FGF13: variants seen among roughly 807,000 people sequenced by gnomAD.
FGF13 encodes the protein fibroblast growth factor 13, also known as fibroblast growth factor homologous factor 2.
Under a neutral mutation model 19.5 loss-of-function variants are expected in FGF13, and 2 were observed. That is an observed-to-expected ratio of 0.10 (90% CI 0.04 to 0.32). The LOEUF is 0.32. Among genes scored for constraint, FGF13 ranks in the 10% least tolerant of loss-of-function variants. The pLI is 1.00. For synonymous variants in FGF13, 72 were observed against 76.9 expected, an observed-to-expected ratio of 0.94 and a Z score of 0.33; for missense variants, 113 against 192.7, an observed-to-expected ratio of 0.59 and a Z score of 2.45.
intron 3 of FGF13, among the ~76,000 whole-genome samples, chrX:138,681,034 C>T (rs1042213206): frequency 4.6e-5 from 5 of 109,037 alleles, no homozygotes; most frequent in East Asian, 2.9e-4. Context: ...ATTAGCCTGG[C>T]GTGGTGGCAG....
intron 3 of FGF13, among the ~76,000 whole-genome samples, chrX:138,701,696 A>G (rs2089947813): frequency 8.9e-6 from 1 of 112,088 alleles, no homozygotes; most frequent in Non-Finnish European, 1.9e-5. Flanking sequence ...GCCTTACTCT[A>G]TTCCCACCTC....
At chrX:138,877,252 GA>G (rs1163441718) in intron 1 of FGF13, among the ~76,000 whole-genome samples, 22 of 105,592 alleles carry the variant, frequency 2.1e-4, no homozygotes, top group African/African-American at 5.5e-4. Context: ...AAGAAATGAA[GA>G]AAAAAAAAGG....
At chrX:139,027,795 C>CA (rs1183212654) in intron 1 of FGF13, among the ~76,000 whole-genome samples, 83 of 106,988 alleles carry the variant, frequency 7.8e-4, no homozygotes, top group Middle Eastern at 4.7e-3. Flanking sequence ...TCAGGCAGAC[C>CA]AAAAAAAAAT....
chrX:139,196,403 A>G (rs1011760558), intron 1 of FGF13, among the ~76,000 whole-genome samples: 1 of 111,711 alleles, frequency 9.0e-6, no homozygotes, highest in African/African-American at 3.3e-5. Flanking sequence ...GCACATCGGA[A>G]AGTTTAAAGT....
intron 1 of FGF13, among the ~76,000 whole-genome samples, chrX:138,982,495 C>A (rs1399758445): frequency 1.8e-5 from 2 of 111,877 alleles, no homozygotes; most frequent in African/African-American, 3.3e-5. Flanking sequence ...GAATGAGGAA[C>A]AGATTATTAC....
intron 1 of FGF13, among the ~76,000 whole-genome samples, chrX:138,873,173 G>A (rs897356785): frequency 1.1e-4 from 12 of 111,306 alleles, no homozygotes; most frequent in African/African-American, 3.3e-4. Context: ...GGCCAATTTG[G>A]CTCTGGCTTC....
chrX:138,950,570 G>A (rs768673429), intron 1 of FGF13, among the ~76,000 whole-genome samples: 1 of 111,693 alleles, frequency 9.0e-6, no homozygotes, highest in East Asian at 2.8e-4. Context: ...ACTGTACACT[G>A]ACTTAAAAAC....
In FGF13 at chrX:139,144,224, T is replaced by G. The variant is rs560247430; in HGVS notation, c.-113+59192A>C. ...GAGCAGGGAAGCCTGAACCCCCTCCTGGCCTGTGTGAAAAGAACTCTGACC... is the reference window on the plus strand; with the variant it reads ...GAGCAGGGAAGCCTGAACCCCCTCCGGGCCTGTGTGAAAAGAACTCTGACC... On this transcript the variant is annotated intron_variant, in intron 1 of 2. Transcript: ENST00000421460. Among the ~76,000 whole-genome samples, 45 of 111,374 alleles carry G rather than the reference T, an allele frequency of 4.0e-4. 2 individuals are homozygous for G. In the South Asian group the frequency reaches 0.016, roughly 40 times the overall value.
chrX:138,781,376 G>A (rs1419573165), intron 3 of FGF13, among the ~76,000 whole-genome samples: 1 of 110,080 alleles, frequency 9.1e-6, no homozygotes, highest in African/African-American at 3.3e-5. Context: ...ATGAATCCGG[G>A]AGCTGGTTTT....
intron 1 of FGF13, among the ~76,000 whole-genome samples, chrX:138,983,792 A>C (rs890596279): frequency 5.4e-5 from 6 of 111,551 alleles, no homozygotes; most frequent in African/African-American, 2.0e-4. Context: ...GCCCATTGAT[A>C]AATGAATGAA....
intron 1 of FGF13, among the ~76,000 whole-genome samples, chrX:138,905,737 G>A (rs1256479792): frequency 8.9e-6 from 1 of 112,337 alleles, no homozygotes; most frequent in Non-Finnish European, 1.9e-5. Context: ...GTTGGGAAAC[G>A]TGGTTGTTTA....
At chrX:138,704,493 G>A (rs948158093) in intron 2 of FGF13, among the ~76,000 whole-genome samples, 13 of 112,386 alleles carry the variant, frequency 1.2e-4, no homozygotes, top group Non-Finnish European at 2.1e-4. Context: ...AGTCTGTTAT[G>A]GTTTCTGTGA....
chrX:139,002,466 A>C (rs943381132), intron 1 of FGF13, among the ~76,000 whole-genome samples: 1 of 111,608 alleles, frequency 9.0e-6, no homozygotes, highest in Non-Finnish European at 1.9e-5. Flanking sequence ...TGCAAATTCA[A>C]GGCAAGTCCT....
At chrX:138,835,561 G>A (rs756097643) in intron 3 of FGF13, among the ~76,000 whole-genome samples, 8 of 112,043 alleles carry the variant, frequency 7.1e-5, no homozygotes, top group Admixed American at 3.8e-4. Flanking sequence ...CACTGCATGT[G>A]AGATAGTTCT....
At chrX:139,128,986 A>G (rs1248708979) in intron 1 of FGF13, among the ~76,000 whole-genome samples, 1 of 108,697 alleles carries the variant, frequency 9.2e-6, no homozygotes, top group Non-Finnish European at 1.9e-5. Flanking sequence ...CAGTCTGAAC[A>G]TTGTTCCTAA....
At chrX:138,844,153 T>C (rs1355787900) in intron 3 of FGF13, among the ~76,000 whole-genome samples, 1 of 112,351 alleles carries the variant, frequency 8.9e-6, no homozygotes, top group Non-Finnish European at 1.9e-5. Flanking sequence ...ACATGTAATG[T>C]CATCTTGATT....
intron 1 of FGF13, among the ~76,000 whole-genome samples, chrX:139,142,501 A>G (rs2083853035): frequency 9.0e-6 from 1 of 111,528 alleles, no homozygotes; most frequent in African/African-American, 3.3e-5. Context: ...GCAGAGTACC[A>G]AATCTCTCTA....
At chrX:138,713,790 G>A (rs889357536), upstream of FGF13, among the ~76,000 whole-genome samples, 3 of 111,885 alleles carry the variant, frequency 2.7e-5, no homozygotes, top group Admixed American at 1.9e-4. Context: ...AACAGACTCA[G>A]AGAAGACTTC....
At chrX:138,780,707 T>A (rs2090633654) in intron 3 of FGF13, among the ~76,000 whole-genome samples, 1 of 107,093 alleles carries the variant, frequency 9.3e-6, no homozygotes, top group African/African-American at 3.5e-5. Context: ...CTCCCACACA[T>A]TAGTAATGGG....
Sources: allele counts gnomAD v4.1 joint callset (sites outside exome capture counted in the v4.1 genomes callset), GRCh38; gene constraint gnomAD v4.1.1; transcripts MANE v1.5; gene names NCBI Gene and HGNC (gene_info 2026-07-23, HGNC 2026-07-21).